The following FAM107B variants were observed in gnomAD, a reference collection of about 807,000 sequenced individuals.
The protein encoded by FAM107B is protein FAM107B.
FAM107B carries 21 observed loss-of-function variants against 31.5 expected under a neutral mutation model. The observed-to-expected ratio is 0.67, with a 90% CI of 0.47 to 0.96. FAM107B has a LOEUF of 0.96. Ranked by LOEUF, FAM107B falls within the 40% of genes least tolerant of loss-of-function variation. The pLI, the probability that FAM107B is intolerant of heterozygous loss-of-function variation, is 0.00. For missense variants in FAM107B, 452 were observed against 377.1 expected (o/e 1.20, Z -1.64); for synonymous variants, 157 against 141.5 (o/e 1.11, Z -0.78).
At chr10:14,581,470 G>A (rs188814068) in intron 2 of FAM107B, among the ~76,000 whole-genome samples, 1 of 152,214 alleles carries the variant, frequency 6.6e-6, no homozygotes, top group Non-Finnish European at 1.5e-5. Context: ...CAAATGCAGT[G>A]GAAAAATTAA....
At chr10:14,639,317 G>C (rs930185995) in intron 2 of FAM107B, among the ~76,000 whole-genome samples, 2 of 152,120 alleles carry the variant, frequency 1.3e-5, no homozygotes, top group South Asian at 2.1e-4. Context: ...GCTCAAACAA[G>C]ACCAGCAACC....
chr10:14,595,488 C>A (rs1026828678), intron 2 of FAM107B, among the ~76,000 whole-genome samples: 5 of 122,298 alleles, frequency 4.1e-5, no homozygotes, highest in African/African-American at 1.6e-4. Flanking sequence ...TACAGTGGTT[C>A]GAGCTCAGCT....
intron 2 of FAM107B, among the ~76,000 whole-genome samples, chr10:14,563,231 G>A (rs976510043): frequency 3.9e-5 from 6 of 152,076 alleles, no homozygotes; most frequent in African/African-American, 1.2e-4. Context: ...CATTTCTCTC[G>A]TAACAAAAAA....
intron 2 of FAM107B, among the ~76,000 whole-genome samples, chr10:14,640,513 G>A (rs1853602040): frequency 6.6e-6 from 1 of 152,116 alleles, no homozygotes; most frequent in Non-Finnish European, 1.5e-5. Context: ...AGTCAACCCT[G>A]GACCAACAGA....
At chr10:14,547,973 T>G (rs971236237) in intron 2 of FAM107B, among the ~76,000 whole-genome samples, 4 of 152,318 alleles carry the variant, frequency 2.6e-5, no homozygotes, top group South Asian at 2.1e-4. Flanking sequence ...CCCCGGCCCT[T>G]TTAATTAAAG....
At chr10:14,564,506 TAAAA>T (rs767006571) in intron 2 of FAM107B, among the ~76,000 whole-genome samples, 2 of 138,328 alleles carry the variant, frequency 1.4e-5, no homozygotes, top group Non-Finnish European at 3.2e-5. Flanking sequence ...CTTATTTGTT[TAAAA>T]AAAAAAAAAA....
chr10:14,545,432 T>C (rs896510744), intron 2 of FAM107B, among the ~76,000 whole-genome samples: 5 of 152,214 alleles, frequency 3.3e-5, no homozygotes, highest in Middle Eastern at 3.2e-3. Context: ...TATCTCTTGA[T>C]GAATACCTGG....
intron 3 of FAM107B, among the ~76,000 whole-genome samples, chr10:14,522,454 C>T (rs1845761812): frequency 6.6e-6 from 1 of 151,224 alleles, no homozygotes; most frequent in Non-Finnish European, 1.5e-5. Context: ...CACTCTGTCA[C>T]CCAGGCTGGA....
chr10:14,557,078 T>C (rs755710794), intron 2 of FAM107B, among the ~76,000 whole-genome samples: 1 of 152,208 alleles, frequency 6.6e-6, no homozygotes, highest in Non-Finnish European at 1.5e-5. Context: ...CCCCTGGCTC[T>C]TCCTCACCTT....
chr10:14,734,696 G>C (rs968561190), intron 1 of FAM107B, among the ~76,000 whole-genome samples: 1 of 151,912 alleles, frequency 6.6e-6, no homozygotes, highest in East Asian at 1.9e-4. Flanking sequence ...TGACAATTTG[G>C]GTCTATAAAT....
At chr10:14,612,161 T>C (rs1852742695) in intron 2 of FAM107B, among the ~76,000 whole-genome samples, 1 of 152,210 alleles carries the variant, frequency 6.6e-6, no homozygotes, top group African/African-American at 2.4e-5. Flanking sequence ...GGTTTACTTA[T>C]TAACTCTGCT....
chr10:14,663,477 G>A (rs1388455527), intron 2 of FAM107B: 1 of 152,218 alleles, frequency 6.6e-6, no homozygotes, highest in African/African-American at 2.4e-5. Flanking sequence ...GTGCGTTCAG[G>A]GTGGTATGGT....
rs36057978 is a variant in FAM107B at position 14,564,544 on chromosome 10, T to C, written c.470-34029A>G. 2.8e-3 allele frequency among the ~76,000 whole-genome samples: 426 copies of C among 152,168 alleles called. 4 individuals carry two copies. In the Middle Eastern group the frequency reaches 0.037, roughly 13 times the overall value. ...AAAAGATAAAATATTATAAAAACAT[T>C]TTTGCTGTGGTAAGGGCAAACTGAT... is the stretch of plus-strand genomic sequence containing the variant. On this transcript the variant is annotated intron_variant, in intron 2 of 4. Coordinates refer to ENST00000181796, the MANE Select transcript of FAM107B (RefSeq NM_031453.4).
intron 2 of FAM107B, among the ~76,000 whole-genome samples, chr10:14,654,990 T>C (rs61845074): frequency 0.037 from 5,593 of 152,248 alleles, 114 homozygotes; most frequent in African/African-American, 0.057. Context: ...GCTGGGTAAT[T>C]CATAAAGGAA....
At chr10:14,758,699 T>A (rs1832977703) in intron 1 of FAM107B, among the ~76,000 whole-genome samples, 1 of 150,286 alleles carries the variant, frequency 6.7e-6, no homozygotes, top group East Asian at 2.0e-4. Context: ...AATCCAGGAG[T>A]GTGAAATATT....
At chr10:14,595,818 C>T (rs113707668) in intron 2 of FAM107B, among the ~76,000 whole-genome samples, 3,329 of 152,282 alleles carry the variant, frequency 0.022, 79 homozygotes, top group East Asian at 0.12. Flanking sequence ...GCAGGTGTCA[C>T]CCACAATGCC....
rs75573153 is a variant in FAM107B, at chr10:14,548,058, G to A, written c.470-17543C>T. Among the ~76,000 whole-genome samples the A allele has an allele frequency of 4.5e-3, 687 of 152,318 alleles. 3 individuals carry two copies. Among genetic ancestry groups the A allele is most frequent in the Non-Finnish European group, 5.9e-3 (404 of 68,030 alleles). On this transcript the variant is annotated intron_variant, in intron 2 of 4. Coordinates refer to ENST00000181796, the MANE Select transcript of FAM107B (RefSeq NM_031453.4). ...AACAACCAATACGCAGGCTTCGCAG[G>A]GAGGACACCAAAAACAAGAAAGGAG...
At chr10:14,749,806 C>T (rs915969254) in intron 1 of FAM107B, among the ~76,000 whole-genome samples, 17 of 152,200 alleles carry the variant, frequency 1.1e-4, no homozygotes, top group Admixed American at 9.2e-4. Context: ...GGCACAGTTC[C>T]AAAACCACAT....
At chr10:14,573,583 A>AAAAG (rs1480238925) in intron 2 of FAM107B, among the ~76,000 whole-genome samples, 2 of 150,162 alleles carry the variant, frequency 1.3e-5, no homozygotes, top group African/African-American at 4.9e-5. Context: ...ATACAAAAAA[A>AAAAG]AAAAAAAAAA....
Sources: allele counts gnomAD v4.1 joint callset (sites outside exome capture counted in the v4.1 genomes callset), GRCh38; gene constraint gnomAD v4.1.1; transcripts MANE v1.5; gene names NCBI Gene and HGNC (gene_info 2026-07-23, HGNC 2026-07-21).